PRKCA: variants seen among roughly 807,000 people sequenced by gnomAD.
PRKCA encodes protein kinase C alpha.
A neutral mutation model predicts 87.0 loss-of-function variants in PRKCA; 27 were observed. The observed-to-expected ratio is 0.31, with a 90% CI of 0.23 to 0.43. The LOEUF is 0.43. Ranked by LOEUF, PRKCA falls within the 20% of genes least tolerant of loss-of-function variation. The probability of loss-of-function intolerance (pLI) is 1.00; values close to 1 mark genes in which losing one functional copy is unlikely to be tolerated. For missense variants in PRKCA, 518 were observed against 852.3 expected (o/e 0.61, Z 4.88); for synonymous variants, 329 against 311.1 (o/e 1.06, Z -0.61).
intron 1 of PRKCA, 145 bp downstream of exon 1, chr17:66,303,169 C>A (rs895868033): frequency 3.8e-4 from 439 of 1,141,104 alleles, no homozygotes; most frequent in Non-Finnish European, 5.1e-4. Context: ...CGGAGTGACA[C>A]GCGCGCCCGG....
chr17:66,590,030 G>A (rs959133103), intron 3 of PRKCA, among the ~76,000 whole-genome samples: 2 of 152,092 alleles, frequency 1.3e-5, no homozygotes, highest in Non-Finnish European at 2.9e-5. Flanking sequence ...TTGCTTGCCC[G>A]CCGCTCACCT....
chr17:66,602,435 G>A (rs1258367539), intron 3 of PRKCA, among the ~76,000 whole-genome samples: 224 of 149,636 alleles, frequency 1.5e-3, no homozygotes, highest in Middle Eastern at 6.9e-3. Context: ...GCTCGCGCAC[G>A]GTGCGCACAC....
intron 2 of PRKCA, among the ~76,000 whole-genome samples, chr17:66,485,091 T>A (rs75412061): frequency 0.043 from 6,526 of 152,256 alleles, 213 homozygotes; most frequent in Admixed American, 0.11. Context: ...CTAACTAAAC[T>A]CTGAGCTCCT....
At chr17:66,776,183 T>C (rs558347496) in intron 14 of PRKCA, among the ~76,000 whole-genome samples, 1 of 152,346 alleles carries the variant, frequency 6.6e-6, no homozygotes, top group African/African-American at 2.4e-5. Flanking sequence ...GAAGAGGCTC[T>C]GGATCCTGTT....
intron 3 of PRKCA, among the ~76,000 whole-genome samples, chr17:66,609,974 T>C (rs1567929544): frequency 6.6e-6 from 1 of 151,898 alleles, no homozygotes; most frequent in Non-Finnish European, 1.5e-5. Context: ...GTCCTATAGT[T>C]CAGTGTAATT....
chr17:66,414,490 AT>A (rs1265762947), intron 2 of PRKCA, among the ~76,000 whole-genome samples: 1 of 152,182 alleles, frequency 6.6e-6, no homozygotes, highest in Non-Finnish European at 1.5e-5. Context: ...TTCTGTATAA[AT>A]TACCCAGTCT....
chr17:66,680,740 A>ACCCATTG (rs1972467184), intron 5 of PRKCA, among the ~76,000 whole-genome samples: 1 of 151,572 alleles, frequency 6.6e-6, no homozygotes, highest in South Asian at 2.1e-4. Context: ...CCTTACTTTG[A>ACCCATTG]CCCATTGCCC....
intron 2 of PRKCA, among the ~76,000 whole-genome samples, chr17:66,367,648 G>A (rs1026852230): frequency 6.6e-6 from 1 of 152,140 alleles, no homozygotes; most frequent in African/African-American, 2.4e-5. Context: ...CTGGTTAAAT[G>A]TCTACTTAGG....
intron 13 of PRKCA, among the ~76,000 whole-genome samples, chr17:66,771,368 A>G (rs995923261): frequency 3.3e-5 from 5 of 152,168 alleles, no homozygotes; most frequent in African/African-American, 1.2e-4. Flanking sequence ...CACCAATTCT[A>G]TTGACAGGAA....
intron 2 of PRKCA, among the ~76,000 whole-genome samples, chr17:66,355,551 A>G (rs914274820): frequency 2.0e-5 from 3 of 152,076 alleles, no homozygotes; most frequent in African/African-American, 2.4e-5. Flanking sequence ...TGTCATCACC[A>G]TGATCGTGGC....
At chr17:66,444,437 G>A (rs1408827457) in intron 2 of PRKCA, among the ~76,000 whole-genome samples, 1 of 152,198 alleles carries the variant, frequency 6.6e-6, no homozygotes, top group Non-Finnish European at 1.5e-5. Flanking sequence ...TATGATGGCT[G>A]GGGGTGTGGA....
intron 14 of PRKCA, 130 bp downstream of exon 14, chr17:66,774,197 G>A: frequency 5.8e-6 from 9 of 1,546,798 alleles, no homozygotes; most frequent in Non-Finnish European, 7.9e-6. Flanking sequence ...CCTGACCCAG[G>A]CGAAAGAGGG....
intron 3 of PRKCA, among the ~76,000 whole-genome samples, chr17:66,576,391 G>T (rs1268568763): frequency 2.0e-5 from 3 of 152,204 alleles, no homozygotes; most frequent in Non-Finnish European, 4.4e-5. Context: ...TTAATTTAAA[G>T]CATGAGATGG....
At chr17:66,451,778 CCA>C (rs1356006057) in intron 2 of PRKCA, among the ~76,000 whole-genome samples, 1 of 152,176 alleles carries the variant, frequency 6.6e-6, no homozygotes, top group Non-Finnish European at 1.5e-5. Flanking sequence ...TGCCCGCCAG[CCA>C]CAGCTCCTGA....
chr17:66,525,205 A>C (rs1967305480), intron 3 of PRKCA, among the ~76,000 whole-genome samples: 1 of 152,142 alleles, frequency 6.6e-6, no homozygotes, highest in Admixed American at 6.5e-5. Context: ...GTGGAGCAGA[A>C]ATGAGTGTAA....
chr17:66,336,636 A>ATATAGTAAATTATTAAACATTTGCCTG (rs1387452793), intron 2 of PRKCA, among the ~76,000 whole-genome samples: 17 of 131,878 alleles, frequency 1.3e-4, no homozygotes, highest in African/African-American at 6.1e-4. Flanking sequence ...AGTACCTGTT[A>ATATAGTAAATTATTAAACATTTGCCTG]TATAGTAAAT....
At chr17:66,578,857 C>T (rs1472413516) in intron 3 of PRKCA, among the ~76,000 whole-genome samples, 4 of 152,200 alleles carry the variant, frequency 2.6e-5, no homozygotes, top group Admixed American at 1.3e-4. Flanking sequence ...CTGTGGATCA[C>T]GTCCCCATGC....
At chr17:66,595,481 A>G (rs867862780) in intron 3 of PRKCA, among the ~76,000 whole-genome samples, 1 of 47,964 alleles carries the variant, frequency 2.1e-5, no homozygotes, top group Non-Finnish European at 4.2e-5. Flanking sequence ...TTTTTTTTTG[A>G]GACAGTCTTG....
At chr17:66,306,889 A>G (rs971307946) in intron 2 of PRKCA, among the ~76,000 whole-genome samples, 2 of 152,054 alleles carry the variant, frequency 1.3e-5, no homozygotes, top group Non-Finnish European at 2.9e-5. Flanking sequence ...TCTCCTGCTC[A>G]TTGTCTATAT....
Sources: allele counts gnomAD v4.1 joint callset (sites outside exome capture counted in the v4.1 genomes callset), GRCh38; gene constraint gnomAD v4.1.1; transcripts MANE v1.5; gene names NCBI Gene and HGNC (gene_info 2026-07-23, HGNC 2026-07-21).